The following BORA variants were observed in gnomAD, a reference collection of about 807,000 sequenced individuals.
BORA encodes the protein BORA aurora kinase A activator.
A neutral mutation model predicts 55.8 loss-of-function variants in BORA; 26 were observed. The observed-to-expected ratio is 0.47, with a 90% CI of 0.34 to 0.65. The LOEUF (loss-of-function observed/expected upper bound fraction) is 0.65. BORA is among the 30% of genes least tolerant of loss of function. The pLI is 0.01. For missense variants in BORA, 568 were observed against 671.5 expected (o/e 0.85, Z 1.70); for synonymous variants, 201 against 216.9 (o/e 0.93, Z 0.64).
intron 2 of BORA, among the ~76,000 whole-genome samples, chr13:72,729,944 G>A (rs1268099632): frequency 6.6e-6 from 1 of 151,982 alleles, no homozygotes; most frequent in Non-Finnish European, 1.5e-5. Flanking sequence ...TATTAGAAAA[G>A]GCTTCATCAC....
At chr13:72,754,303 T>C in intron 11 of BORA, 1 of 154,534 alleles carries the variant, frequency 6.5e-6, no homozygotes, top group Non-Finnish European at 1.4e-5. Flanking sequence ...TGTATGCCGT[T>C]TCTTTTTTTT....
chr13:72,749,263 T>A (rs1417886932), intron 10 of BORA, among the ~76,000 whole-genome samples: 1 of 152,194 alleles, frequency 6.6e-6, no homozygotes, highest in South Asian at 2.1e-4. Context: ...TGATCTCTTT[T>A]TATCCCCAAC....
chr13:72,750,252 TAGG>T (rs2033238321), intron 10 of BORA, among the ~76,000 whole-genome samples: 1 of 152,056 alleles, frequency 6.6e-6, no homozygotes, highest in Non-Finnish European at 1.5e-5. Context: ...ATTGCCAAAA[TAGG>T]AGCAAGCAAC....
At chr13:72,744,124 T>C (rs977136041) in intron 6 of BORA, among the ~76,000 whole-genome samples, 1 of 152,284 alleles carries the variant, frequency 6.6e-6, no homozygotes, top group South Asian at 2.1e-4. Flanking sequence ...CATCCAGCCA[T>C]GTTTTAGAAA....
intron 5 of BORA, among the ~76,000 whole-genome samples, chr13:72,738,706 A>T (rs1412923537): frequency 1.3e-5 from 2 of 152,184 alleles, no homozygotes; most frequent in African/African-American, 4.8e-5. Flanking sequence ...TATAAGAGGG[A>T]ATGTTTGTTC....
chr13:72,732,600 C>T (rs2032841836), intron 3 of BORA, among the ~76,000 whole-genome samples: 1 of 152,002 alleles, frequency 6.6e-6, no homozygotes, highest in South Asian at 2.1e-4. Context: ...TCGCTTGAAC[C>T]CAGGAGGCAA....
chr13:72,730,097 C>T (rs1054740943), intron 2 of BORA, among the ~76,000 whole-genome samples: 4 of 151,842 alleles, frequency 2.6e-5, no homozygotes, highest in Non-Finnish European at 5.9e-5. Context: ...GCCCGGGCCA[C>T]TTTATCTTAT....
chr13:72,728,169 T>C (rs1229809359), intron 1 of BORA, 162 bp downstream of exon 1: 1 of 977,086 alleles, frequency 1.0e-6, no homozygotes, highest in South Asian at 1.4e-5. Context: ...CACGTAGGGT[T>C]GGGGGCGACG....
intron 5 of BORA, among the ~76,000 whole-genome samples, chr13:72,739,773 G>A (rs1044546576): frequency 1.3e-5 from 2 of 152,038 alleles, no homozygotes; most frequent in South Asian, 2.1e-4. Context: ...GACACAAGAT[G>A]GAAATAAAAA....
rs2033452527 is a variant in BORA, at chr13:72,755,913, T to G, written c.*697T>G. 2.5e-6 allele frequency: 1 copy of G among 398,408 alleles called. No individual in the cohort carries two copies. The highest frequency in any genetic ancestry group is 4.4e-6 in the Non-Finnish European group (1 of 226,084). 24.7% of individuals were successfully genotyped at this position (398,408 alleles called of 1,614,324 possible). A position where few individuals can be genotyped will look rare whatever the true frequency, so the allele number is the denominator to read the frequency against. Reference sequence around the variant, plus strand: ...CTAGGGTAGGGACATCCTTTCCAGCTCAAACGTGGGTAGGGATGTGGGAGA... The same window carrying G: ...CTAGGGTAGGGACATCCTTTCCAGCGCAAACGTGGGTAGGGATGTGGGAGA... On this transcript the variant is annotated 3_prime_UTR_variant, in exon 12 of 12. Transcript: ENST00000390667.
At chr13:72,732,842 AATT>A (rs1355588591) in intron 3 of BORA, among the ~76,000 whole-genome samples, 12 of 152,182 alleles carry the variant, frequency 7.9e-5, no homozygotes, top group African/African-American at 2.7e-4. Context: ...AATGATGGAC[AATT>A]ATTATATTGA....
intron 2 of BORA, 33 bp from the exon 3 acceptor site, chr13:72,731,248 C>A: frequency 1.5e-6 from 2 of 1,352,616 alleles, no homozygotes; most frequent in Non-Finnish European, 2.1e-6. Flanking sequence ...TTTTAGTTTG[C>A]CTTTACTCAT....
Position 72,745,830 on chromosome 13 carries a change from C to T in BORA, c.739-114C>T, listed in dbSNP as rs2033128528. 7 of 847,856 alleles carry T rather than the reference C, an allele frequency of 8.3e-6. No homozygotes were observed. The South Asian group carries it at 1.4e-4, about 17-fold the overall frequency. The allele number at this position is 847,856 out of a possible 1,614,324, so 52.5% of individuals were successfully genotyped here. A position where few individuals can be genotyped will look rare whatever the true frequency, so the allele number is the denominator to read the frequency against. On this transcript the variant is annotated intron_variant, in intron 8 of 11. Transcript: ENST00000390667. ...TTGCAAGGTGTCTTTTGGTGGTTCTCGTGAACTATTACTAGTTTATAAGTG... is the reference window on the plus strand; with the variant it reads ...TTGCAAGGTGTCTTTTGGTGGTTCTTGTGAACTATTACTAGTTTATAAGTG...
In BORA at chr13:72,744,632, T is replaced by G. The variant is rs566673500; in HGVS notation, c.511+71T>G. On this transcript the variant is annotated intron_variant, in intron 7 of 11. Transcript: ENST00000390667. ...TTTTGTTTGGCTGGCTTTTTGTAAA[T>G]GGTAACATGGGAAATATGTGGCAGT... 9 of 1,185,356 alleles carry G rather than the reference T, an allele frequency of 7.6e-6. No homozygotes were observed. In the South Asian group the frequency reaches 1.2e-4, roughly 16 times the overall value. 73.4% of individuals were successfully genotyped at this position (1,185,356 alleles called of 1,614,324 possible).
chr13:72,742,861 G>C (rs1219611418), intron 5 of BORA, among the ~76,000 whole-genome samples: 2 of 151,548 alleles, frequency 1.3e-5, no homozygotes, highest in Admixed American at 6.6e-5. Context: ...TGTCATTTGT[G>C]ACAACATATA....
In BORA at chr13:72,745,155, C is replaced by T. The variant is rs1330509036; in HGVS notation, c.686C>T (p.Ser229Leu). The T allele has an allele frequency of 1.2e-6, 2 of 1,614,048 alleles. No individual in the cohort carries two copies. The highest frequency in any genetic ancestry group is 3.3e-5 in the Admixed American group (2 of 60,006). The change falls in exon 8 of 12, where the codon TCA becomes TTA. Residue 229 changes from serine to leucine, a missense_variant. Physicochemically the swap from Ser to Leu is moderately radical, Grantham distance 145. Coordinates refer to ENST00000390667, the MANE Select transcript of BORA (RefSeq NM_024808.5). ...CAAACATCACTAGAGATGTTTTATT[C>T]AATAGATTTGTCTCCTGTAAAGTGT... ...GVQTSLEMFYSIDLSPVKCRS... is the reference protein window; with the variant it reads ...GVQTSLEMFYLIDLSPVKCRS...
At chr13:72,734,029 G>C (rs933725145) in intron 3 of BORA, among the ~76,000 whole-genome samples, 1 of 151,980 alleles carries the variant, frequency 6.6e-6, no homozygotes, top group Non-Finnish European at 1.5e-5. Flanking sequence ...CATATAGAGG[G>C]GAACAGCACA....
Position 72,728,306 on chromosome 13 carries a change from C to T in BORA, c.-16+299C>T, listed in dbSNP as rs961026973. On this transcript the variant is annotated intron_variant, in intron 1 of 11. Transcript: ENST00000390667. ...TTTGATTGCAAGTAATGCAGTCTCC[C>T]TTTCTATCCCGGGAGGGGTGGAGGG... The T allele has an allele frequency of 1.3e-5, 8 of 629,400 alleles. No individual in the cohort carries two copies. In the African/African-American group the frequency reaches 1.5e-4, roughly 11 times the overall value. The allele number at this position is 629,400 out of a possible 1,614,324, so 39.0% of individuals were successfully genotyped here.
At chr13:72,752,978 C>T (rs554421784) in intron 10 of BORA, 1 of 152,328 alleles carries the variant, frequency 6.6e-6, no homozygotes, top group East Asian at 1.9e-4. Flanking sequence ...TTAGGTCTCA[C>T]ATCTTCATCA....
Sources: gnomAD v4.1 joint callset for allele counts (sites outside exome capture counted in the v4.1 genomes callset) on GRCh38, gnomAD v4.1.1 for gene constraint, MANE v1.5 for transcripts, NCBI Gene and HGNC (gene_info 2026-07-23, HGNC 2026-07-21) for gene names.